KCNC4: variants seen among roughly 807,000 people sequenced by gnomAD.
KCNC4 encodes potassium voltage-gated channel subfamily C member 4.
A neutral mutation model predicts 42.8 loss-of-function variants in KCNC4; 23 were observed. The observed-to-expected ratio is 0.54, with a 90% CI of 0.39 to 0.76. KCNC4 has a LOEUF of 0.76. Among genes scored for constraint, KCNC4 ranks in the 30% least tolerant of loss-of-function variants. The pLI is 0.00. For missense variants in KCNC4, 751 were observed against 898.2 expected (o/e 0.84, Z 2.10); for synonymous variants, 422 against 393.5 (o/e 1.07, Z -0.86).
At chr1:110,270,837 T>C (rs1433489892) in intron 1 of KCNC4, among the ~76,000 whole-genome samples, 2 of 152,154 alleles carry the variant, frequency 1.3e-5, no homozygotes, top group Non-Finnish European at 2.9e-5. Context: ...TTGCATTGCA[T>C]TTTTCAGCCC....
intron 1 of KCNC4, among the ~76,000 whole-genome samples, chr1:110,213,198 T>C (rs74525571): frequency 9.8e-4 from 47 of 47,908 alleles, no homozygotes; most frequent in East Asian, 4.6e-3. Flanking sequence ...AAAAAAAAAA[T>C]CCCTGAAGGA....
chr1:110,236,880 G>C (rs1473958553), downstream of KCNC4: 1 of 152,084 alleles, frequency 6.6e-6, no homozygotes, highest in Non-Finnish European at 1.5e-5. Context: ...AATAATAGGT[G>C]GAAATGTTAG....
At chr1:110,217,825 A>G (rs1187108859) in intron 1 of KCNC4, among the ~76,000 whole-genome samples, 2 of 152,140 alleles carry the variant, frequency 1.3e-5, no homozygotes, top group Non-Finnish European at 2.9e-5. Context: ...GCCCTCAACC[A>G]GGAGCCAGGG....
At chr1:110,265,123 T>C (rs1002610420) in intron 1 of KCNC4, among the ~76,000 whole-genome samples, 1 of 138,260 alleles carries the variant, frequency 7.2e-6, no homozygotes, top group Non-Finnish European at 1.6e-5. Flanking sequence ...TGAAAGAAAA[T>C]AAAGTACAAA....
exon 4 of KCNC4, chr1:110,240,745 C>T (rs755901647): frequency 6.6e-6 from 1 of 152,444 alleles, no homozygotes; most frequent in African/African-American, 2.4e-5. Context: ...TGTGCCACTA[C>T]CACGACGACC....
At chr1:110,222,693 G>C (rs944678676) in intron 1 of KCNC4, 2 of 446,036 alleles carry the variant, frequency 4.5e-6, no homozygotes, top group Non-Finnish European at 8.2e-6. Flanking sequence ...TCAAAGGCAG[G>C]TCTAGCAGCT....
Position 110,224,049 on chromosome 1 carries a change from G to C in KCNC4, c.1615+149G>C. ...TGCCTTTATGAGGGCAAAGTGTTGA[G>C]GCCGAATTTCTCTGTCCTCTGGCTG... On this transcript the variant is annotated intron_variant, in intron 2 of 3. Coordinates refer to ENST00000438661, the MANE Select transcript of KCNC4 (RefSeq NM_001039574.3). The C allele has an allele frequency of 9.0e-6, 6 of 663,604 alleles. No individual in the cohort carries two copies. In the South Asian group the frequency reaches 1.0e-4, roughly 12 times the overall value. 41.1% of individuals were successfully genotyped at this position (663,604 alleles called of 1,614,324 possible). A position where few individuals can be genotyped will look rare whatever the true frequency, so the allele number is the denominator to read the frequency against.
chr1:110,270,317 C>A (rs1320648015), intron 1 of KCNC4, among the ~76,000 whole-genome samples: 1 of 152,118 alleles, frequency 6.6e-6, no homozygotes, highest in African/African-American at 2.4e-5. Flanking sequence ...CCTCCAGTAC[C>A]AAGTTATGGT....
At chr1:110,224,090 C>G (rs1658266552) in intron 2 of KCNC4, 190 bp downstream of exon 2, 1 of 589,352 alleles carries the variant, frequency 1.7e-6, no homozygotes, top group African/African-American at 1.9e-5. Context: ...CCGATAGCTT[C>G]CCGAACATCA....
intron 1 of KCNC4, among the ~76,000 whole-genome samples, chr1:110,218,500 A>AT (rs1340607453): frequency 2.0e-5 from 3 of 150,802 alleles, no homozygotes; most frequent in South Asian, 4.2e-4. Flanking sequence ...TTTTCTCTTT[A>AT]TTTTTTTTCA....
In KCNC4 at chr1:110,211,523, C is replaced by T. The variant is rs762425011; in HGVS notation, c.24C>T (p.Ser8=). Residue 8 remains serine (S), a synonymous_variant, in exon 1 of 4, where the codon TCC becomes TCT. Coordinates refer to ENST00000438661, the MANE Select transcript of KCNC4 (RefSeq NM_001039574.3). The surrounding 1 kb of genome is among the most constrained non-coding windows in gnomAD (Gnocchi z 6.5). ...TTATGATCAGCTCGGTGTGTGTCTC[C>T]TCCTACCGCGGGCGCAAGTCGGGGA... MISSVCV[S]SYRGRKSGNK... 1.4e-5 allele frequency: 23 copies of T among 1,613,840 alleles called. No individual in the cohort carries two copies. The highest frequency in any genetic ancestry group is 2.7e-5 in the African/African-American group (2 of 74,938).
chr1:110,215,492 C>G (rs963354217), intron 1 of KCNC4, among the ~76,000 whole-genome samples: 3 of 152,192 alleles, frequency 2.0e-5, no homozygotes, highest in Non-Finnish European at 4.4e-5. Flanking sequence ...CTTCCCCTAC[C>G]CTAGTCTCCA....
At chr1:110,283,823 T>C (rs527249340), downstream of KCNC4, among the ~76,000 whole-genome samples, 1 of 152,356 alleles carries the variant, frequency 6.6e-6, no homozygotes, top group East Asian at 1.9e-4. Context: ...TCTCTTTCTG[T>C]AGCTCCCTAG....
At chr1:110,283,367 C>T (rs1659861962), downstream of KCNC4, among the ~76,000 whole-genome samples, 1 of 152,136 alleles carries the variant, frequency 6.6e-6, no homozygotes, top group Non-Finnish European at 1.5e-5. Context: ...GGTGAGTATT[C>T]CTACCAAGTA....
intron 1 of KCNC4, among the ~76,000 whole-genome samples, chr1:110,267,164 TTC>T (rs1341382044): frequency 3.3e-5 from 5 of 152,102 alleles, no homozygotes. Flanking sequence ...GGTGCTGGTT[TTC>T]TGAGAGCTGA....
exon 4 of KCNC4, chr1:110,246,766 C>CTTTTTTTTTTTTTTTTTTTTTT (rs61165830): frequency 1.6e-4 from 22 of 139,356 alleles, no homozygotes; most frequent in African/African-American, 2.2e-4. Context: ...TTTTTCTTTT[C>CTTTTTTTTTTTTTTTTTTTTTT]TTTTTTTTTT....
Position 110,223,088 on chromosome 1 carries a change from G to T in KCNC4, c.803G>T (p.Ser268Ile). Residue 268 changes from serine to isoleucine, a missense_variant, in exon 2 of 4, where the codon AGC (serine) becomes ATC (isoleucine). This residue lies in a region of KCNC4 where 181 missense variants were observed against 167.3 expected (regional missense o/e 1.08). Transcript: ENST00000438661. The surrounding 1 kb of genome is among the most constrained non-coding windows in gnomAD (Gnocchi z 7.5). Reference sequence around the variant, plus strand: ...ATCCTCCGCGTAGGGAACATCACCAGCGTGCACTTCCGGCGGGAGGTAGAG... The same window carrying T: ...ATCCTCCGCGTAGGGAACATCACCATCGTGCACTTCCGGCGGGAGGTAGAG... ...TEILRVGNIT[S>I]VHFRREVETE... 3 of 1,614,208 alleles carry T rather than the reference G, an allele frequency of 1.9e-6. No individual in the cohort carries two copies. Among genetic ancestry groups the T allele is most frequent in the Non-Finnish European group, 2.5e-6 (3 of 1,180,042 alleles).
In KCNC4 at chr1:110,210,549, G is replaced by T. The variant is rs1489988869; in HGVS notation, c.-951G>T. Among the ~76,000 whole-genome samples the T allele has an allele frequency of 6.6e-6, 1 of 151,470 alleles. No individual in the cohort carries two copies. ...GGCGTTGCGCTGAGGCTCCCTCTCC[G>T]CGCGGCCCGGGAAGCCTGCAGGTGT... On this transcript the variant is annotated 5_prime_UTR_variant, in exon 1 of 4. Transcript: ENST00000438661.
chr1:110,263,929 T>C (rs1218012328), intron 1 of KCNC4, among the ~76,000 whole-genome samples: 91 of 152,244 alleles, frequency 6.0e-4, no homozygotes, highest in Non-Finnish European at 3.2e-4. Flanking sequence ...CCATTCTCCC[T>C]GGTCAAATGG....
Sources: allele counts gnomAD v4.1 joint callset (sites outside exome capture counted in the v4.1 genomes callset), GRCh38; gene constraint gnomAD v4.1.1; regional missense constraint gnomAD v4.1.1; non-coding constraint Gnocchi (gnomAD v3.1); transcripts MANE v1.5; gene names NCBI Gene and HGNC (gene_info 2026-07-23, HGNC 2026-07-21).